The following MARCO variants were observed in gnomAD, a reference collection of about 807,000 sequenced individuals.
MARCO encodes the protein macrophage receptor with collagenous structure.
A neutral mutation model predicts 70.0 loss-of-function variants in MARCO; 72 were observed. That is an observed-to-expected ratio of 1.03 (90% CI 0.85 to 1.25). The LOEUF (loss-of-function observed/expected upper bound fraction) is 1.25, where lower values mean the gene tolerates loss of function less well. MARCO is among the 50% of genes most tolerant of loss of function. The pLI is 0.00. For synonymous variants in MARCO, 273 were observed against 243.1 expected (o/e 1.12, Z -1.14); for missense variants, 696 against 659.3 (o/e 1.06, Z -0.61).
intron 4 of MARCO, among the ~76,000 whole-genome samples, chr2:118,971,970 G>A (rs1680180941): frequency 6.6e-6 from 1 of 152,214 alleles, no homozygotes; most frequent in South Asian, 2.1e-4. Flanking sequence ...ATGGGAGGCA[G>A]GTGTCATGGA....
At chr2:118,966,848 C>A (rs1680061273) in intron 1 of MARCO, among the ~76,000 whole-genome samples, 1 of 152,190 alleles carries the variant, frequency 6.6e-6, no homozygotes, top group African/African-American at 2.4e-5. Context: ...ATTTGCCATC[C>A]ACCACCTCGT....
At chr2:118,950,185 T>A (rs537596266) in intron 1 of MARCO, among the ~76,000 whole-genome samples, 2 of 152,244 alleles carry the variant, frequency 1.3e-5, no homozygotes, top group African/African-American at 4.8e-5. Context: ...GTGTCATTAA[T>A]GTTAAATTTA....
At chr2:118,975,024 T>C (rs1004474138) in intron 6 of MARCO, among the ~76,000 whole-genome samples, 3 of 152,194 alleles carry the variant, frequency 2.0e-5, no homozygotes, top group Non-Finnish European at 4.4e-5. Context: ...ATGAGAGGGC[T>C]GCAGAGGGCT....
At chr2:118,992,992 C>T in intron 15 of MARCO, 132 bp from the exon 16 acceptor site, 1 of 826,586 alleles carries the variant, frequency 1.2e-6, no homozygotes. Context: ...ATCTTCCAGG[C>T]TCTGGTGACA....
chr2:118,954,324 G>A (rs750108485), intron 1 of MARCO, among the ~76,000 whole-genome samples: 2 of 152,118 alleles, frequency 1.3e-5, no homozygotes, highest in African/African-American at 2.4e-5. Context: ...CAACCTGCAT[G>A]ACTCAGCAGA....
At chr2:118,975,524 T>C (rs1454523270) in intron 6 of MARCO, among the ~76,000 whole-genome samples, 2 of 152,164 alleles carry the variant, frequency 1.3e-5, no homozygotes, top group Non-Finnish European at 2.9e-5. Context: ...AAGAGCCTAT[T>C]GATCTGTGTC....
rs1680173229 is a variant in MARCO at position 118,971,609 on chromosome 2, A to G, written c.460+75A>G. ...CCAAAAGGGCCCCTTGGCCTGTGCC[A>G]TTCTGGGTCTGGACAGCTGACCCTA... On this transcript the variant is annotated intron_variant, in intron 4 of 16. Transcript: ENST00000327097. The G allele has an allele frequency of 2.7e-6, 4 of 1,509,304 alleles. No homozygotes were observed. The African/African-American group carries it at 4.2e-5, about 16-fold the overall frequency. 93.5% of individuals were successfully genotyped at this position (1,509,304 alleles called of 1,614,324 possible). A position where few individuals can be genotyped will look rare whatever the true frequency, so the allele number is the denominator to read the frequency against.
intron 13 of MARCO, among the ~76,000 whole-genome samples, chr2:118,991,373 C>T (rs1297500146): frequency 6.6e-6 from 1 of 151,946 alleles, no homozygotes; most frequent in Non-Finnish European, 1.5e-5. Flanking sequence ...AGTGATCCTC[C>T]CACCTTCGTC....
At chr2:118,974,902 ACT>A (rs1187404736) in intron 6 of MARCO, among the ~76,000 whole-genome samples, 1 of 151,850 alleles carries the variant, frequency 6.6e-6, no homozygotes, top group Non-Finnish European at 1.5e-5. Context: ...TCCAACAAGG[ACT>A]CTGGTGTCAG....
chr2:118,950,670 A>G (rs1452097505), intron 1 of MARCO, among the ~76,000 whole-genome samples: 1 of 152,248 alleles, frequency 6.6e-6, no homozygotes, highest in African/African-American at 2.4e-5. Flanking sequence ...ACTTTTACAG[A>G]CAATTCTTCG....
At position 118,945,704 on chromosome 2, in the gene MARCO, A is replaced by AGCG. The variant is rs769623066; in HGVS notation, c.97+3307_97+3308insGCG. Among the ~76,000 whole-genome samples the AGCG allele has an allele frequency of 2.8e-3, 426 of 152,112 alleles. 3 individuals carry two copies. Among genetic ancestry groups the AGCG allele is most frequent in the Middle Eastern group, 0.024 (7 of 294 alleles). The stretch of plus-strand genomic sequence containing the variant: ...CTGGAATTACAGGCATGAGCCACCT[A>AGCG]CCTGGCCCTGTTGGGACCTCTTACT... On this transcript the variant is annotated intron_variant, in intron 1 of 16. Coordinates refer to ENST00000327097, the MANE Select transcript of MARCO (RefSeq NM_006770.4).
rs1020340497 is a variant in MARCO, at chr2:118,992,351, C to T, written c.1208-81C>T. 3.9e-5 allele frequency: 46 copies of T among 1,172,766 alleles called. No homozygotes were observed. The Admixed American group carries it at 5.2e-4, about 13-fold the overall frequency. 72.6% of individuals were successfully genotyped at this position (1,172,766 alleles called of 1,614,324 possible). A position where few individuals can be genotyped will look rare whatever the true frequency, so the allele number is the denominator to read the frequency against. ...ATCTGACCACTCCCAACCCTCCACC[C>T]GCTCCCCACTCATGCAAATGCAGGC... On this transcript the variant is annotated intron_variant, in intron 14 of 16. Transcript: ENST00000327097.
At chr2:118,966,415 A>G (rs1480254735) in intron 1 of MARCO, among the ~76,000 whole-genome samples, 1 of 152,084 alleles carries the variant, frequency 6.6e-6, no homozygotes, top group African/African-American at 2.4e-5. Flanking sequence ...AGTTTCTTCT[A>G]CCCTCTAAGA....
At chr2:118,981,552 T>A (rs200351629) in intron 9 of MARCO, 45 bp downstream of exon 9, 115 of 535,578 alleles carry the variant, frequency 2.1e-4, no homozygotes, top group Admixed American at 4.4e-4. Context: ...AGGTATTTCC[T>A]TTTTTTTTTT....
At chr2:118,994,341 C>T in intron 16 of MARCO, 46 bp from the exon 17 acceptor site, 1 of 1,612,504 alleles carries the variant, frequency 6.2e-7, no homozygotes, top group Non-Finnish European at 8.5e-7. Flanking sequence ...TGCTTTGACT[C>T]TAATCCTACC....
intron 1 of MARCO, 82 bp from the exon 2 acceptor site, chr2:118,969,078 A>T (rs1298355804): frequency 2.1e-6 from 2 of 974,002 alleles, no homozygotes; most frequent in African/African-American, 3.2e-5. Flanking sequence ...CCCTGCTCAC[A>T]TGGAGTAGGG....
In MARCO at chr2:118,981,430, T is replaced by C; in HGVS notation, c.788T>C (p.Met263Thr). The change falls in exon 9 of 17, where the codon ATG becomes ACG. Residue 263 changes from methionine (M) to threonine (T), a missense_variant. This residue lies in a region of MARCO where 605 missense variants were observed against 537.6 expected (regional missense o/e 1.13). Transcript: ENST00000327097. The stretch of plus-strand genomic sequence containing the variant: ...TCAGGAAGCAAAGGGGACAGGGGCA[T>C]GAAAGGAGATGCAGGGGTCATGGGG... The part of the protein sequence containing the change: ...GLPGSKGDRG[M>T]KGDAGVMGPP... The C allele has an allele frequency of 1.3e-6, 2 of 1,599,902 alleles. No individual in the cohort carries two copies. The highest frequency in any genetic ancestry group is 1.7e-6 in the Non-Finnish European group (2 of 1,176,892).
Position 118,994,653 on chromosome 2 carries a change from T to C in MARCO, c.*133T>C. On this transcript the variant is annotated 3_prime_UTR_variant, in exon 17 of 17. Transcript: ENST00000327097. ...GAGGGGCCATTAATAAAGCTCAACA[T>C]CATTGGCTGTGGCTGAGTGTCACTG... is the stretch of plus-strand genomic sequence containing the variant. 1.2e-6 allele frequency: 1 copy of C among 827,146 alleles called. No individual in the cohort carries two copies. Among genetic ancestry groups the C allele is most frequent in the Non-Finnish European group, 1.8e-6 (1 of 547,572 alleles). The allele number at this position is 827,146 out of a possible 1,614,324, so 51.2% of individuals were successfully genotyped here.
chr2:118,978,157 T>G (rs1050538420), intron 8 of MARCO, among the ~76,000 whole-genome samples: 1 of 152,056 alleles, frequency 6.6e-6, no homozygotes, highest in African/African-American at 2.4e-5. Context: ...TATGGCAAGC[T>G]GGGGCACAGG....
Sources: allele counts gnomAD v4.1 joint callset (sites outside exome capture counted in the v4.1 genomes callset), GRCh38; gene constraint gnomAD v4.1.1; regional missense constraint gnomAD v4.1.1; transcripts MANE v1.5; gene names NCBI Gene and HGNC (gene_info 2026-07-23, HGNC 2026-07-21).